PCDH7: variants seen among roughly 807,000 people sequenced by gnomAD.
PCDH7 encodes the protein protocadherin 7.
PCDH7 carries 17 observed loss-of-function variants against 58.9 expected under a neutral mutation model. The observed-to-expected ratio is 0.29, with a 90% CI of 0.20 to 0.43. The LOEUF (loss-of-function observed/expected upper bound fraction) is 0.43, where lower values mean the gene tolerates loss of function less well. Ranked by LOEUF, PCDH7 falls within the 20% of genes least tolerant of loss-of-function variation. PCDH7 has a pLI of 1.00. For missense variants in PCDH7, 1,274 were observed against 1,441.0 expected (o/e 0.88, Z 1.88); for synonymous variants, 664 against 616.4 (o/e 1.08, Z -1.14).
At chr4:30,790,968 A>G (rs1464826044) in intron 1 of PCDH7, among the ~76,000 whole-genome samples, 1 of 152,088 alleles carries the variant, frequency 6.6e-6, no homozygotes, top group African/African-American at 2.4e-5. Flanking sequence ...ATAAATAAAT[A>G]AATACATGCT....
chr4:30,912,280 C>T (rs573049143), intron 1 of PCDH7, among the ~76,000 whole-genome samples: 1 of 152,276 alleles, frequency 6.6e-6, no homozygotes, highest in Non-Finnish European at 1.5e-5. Context: ...CTATGGAATC[C>T]TAAATATGTT....
At chr4:30,991,759 C>T (rs920314900) in intron 3 of PCDH7, among the ~76,000 whole-genome samples, 6 of 151,956 alleles carry the variant, frequency 3.9e-5, no homozygotes, top group African/African-American at 1.5e-4. Context: ...TTAGCCTCCT[C>T]CCTCACAGAA....
chr4:30,766,150 T>A (rs1458149654), intron 1 of PCDH7, among the ~76,000 whole-genome samples: 1 of 151,006 alleles, frequency 6.6e-6, no homozygotes, highest in Non-Finnish European at 1.5e-5. Flanking sequence ...AAAAGCCCCC[T>A]CTAATTGCAA....
intron 1 of PCDH7, among the ~76,000 whole-genome samples, chr4:30,835,270 C>T (rs1374658): frequency 0.38 from 57,718 of 151,948 alleles, 13,395 homozygotes; most frequent in Middle Eastern, 0.52. Flanking sequence ...GTAACCGGGC[C>T]ACACAGCAGG....
chr4:30,942,502 A>C (rs1361981995), intron 2 of PCDH7, among the ~76,000 whole-genome samples: 1 of 151,968 alleles, frequency 6.6e-6, no homozygotes, highest in Non-Finnish European at 1.5e-5. Flanking sequence ...GTAGTTGAGA[A>C]ATTGTTTTTC....
At chr4:31,086,771 G>A (rs956310027) in intron 3 of PCDH7, among the ~76,000 whole-genome samples, 8 of 152,092 alleles carry the variant, frequency 5.3e-5, no homozygotes, top group Non-Finnish European at 8.8e-5. Context: ...GCTTATGCCA[G>A]ATAAAGATCA....
intron 3 of PCDH7, among the ~76,000 whole-genome samples, chr4:31,124,589 A>G (rs1718076261): frequency 6.6e-6 from 1 of 152,208 alleles, no homozygotes; most frequent in African/African-American, 2.4e-5. Context: ...TTTCATATAC[A>G]TAGCTTTTCC....
chr4:30,771,062 G>T (rs1721336858), intron 1 of PCDH7, among the ~76,000 whole-genome samples: 1 of 152,062 alleles, frequency 6.6e-6, no homozygotes, highest in Non-Finnish European at 1.5e-5. Flanking sequence ...TTTCTATTGG[G>T]AGCTAACATT....
chr4:31,083,726 G>A (rs966789980), intron 3 of PCDH7, among the ~76,000 whole-genome samples: 1 of 152,182 alleles, frequency 6.6e-6, no homozygotes, highest in Non-Finnish European at 1.5e-5. Context: ...AAAATGATGG[G>A]GTGGAGTGGG....
At chr4:30,896,889 C>CTTTTATTT (rs1739469341) in intron 1 of PCDH7, among the ~76,000 whole-genome samples, 1 of 27,338 alleles carries the variant, frequency 3.7e-5, no homozygotes, top group Non-Finnish European at 6.2e-5. Flanking sequence ...TAGTTCTTTG[C>CTTTTATTT]TTTTTTTTTT....
At chr4:30,904,832 C>A (rs1229253786) in intron 1 of PCDH7, among the ~76,000 whole-genome samples, 1 of 152,136 alleles carries the variant, frequency 6.6e-6, no homozygotes, top group Non-Finnish European at 1.5e-5. Context: ...GTGCCAAAGT[C>A]AGGTTTCAGT....
chr4:30,922,465 T>C (rs1578298717), intron 2 of PCDH7, among the ~76,000 whole-genome samples: 1 of 152,144 alleles, frequency 6.6e-6, no homozygotes, highest in East Asian at 1.9e-4. Context: ...TATGAGTTTA[T>C]GGGGATTCAT....
At chr4:31,144,275 G>C (rs1720534563), downstream of PCDH7, 1 of 152,132 alleles carries the variant, frequency 6.6e-6, no homozygotes, top group Non-Finnish European at 1.5e-5. Context: ...AATCTAGACT[G>C]AACATGAAAG....
intron 1 of PCDH7, among the ~76,000 whole-genome samples, chr4:30,743,622 T>TG (rs11417279): frequency 0.45 from 68,784 of 151,612 alleles, 16,316 homozygotes; most frequent in Middle Eastern, 0.53. Flanking sequence ...AACTTATAGT[T>TG]GAAAAAACCT....
At chr4:30,772,235 T>C (rs907445187) in intron 1 of PCDH7, among the ~76,000 whole-genome samples, 7 of 152,214 alleles carry the variant, frequency 4.6e-5, no homozygotes, top group Non-Finnish European at 7.3e-5. Context: ...GAAACATGTT[T>C]CAATGCCAAC....
At chr4:31,081,661 G>A (rs1759519331) in intron 3 of PCDH7, among the ~76,000 whole-genome samples, 1 of 152,048 alleles carries the variant, frequency 6.6e-6, no homozygotes. Flanking sequence ...AGTTACCAAG[G>A]TCCATTTTTT....
At chr4:30,924,773 G>A (rs2109419311) in intron 2 of PCDH7, among the ~76,000 whole-genome samples, 1 of 150,940 alleles carries the variant, frequency 6.6e-6, no homozygotes, top group South Asian at 2.1e-4. Flanking sequence ...ATAAGCACAT[G>A]TGTTTTCTTA....
rs1011777422 is a variant in PCDH7 at position 31,068,710 on chromosome 4, G to C, written c.*8-73763G>C. On this transcript the variant is annotated intron_variant, in intron 3 of 3. Transcript: ENST00000509759. ...AGGACGTCTCCCTAACCTGTCTGCT[G>C]GGATCCTTGAGATTGAGTTATAAGA... Among the ~76,000 whole-genome samples, 69 of 152,090 alleles carry C rather than the reference G, an allele frequency of 4.5e-4. 1 individual carries two copies. Among genetic ancestry groups the C allele is most frequent in the African/African-American group, 1.6e-3 (67 of 41,506 alleles).
intron 3 of PCDH7, among the ~76,000 whole-genome samples, chr4:30,965,836 T>A (rs971513093): frequency 1.5e-4 from 23 of 152,244 alleles, no homozygotes; most frequent in African/African-American, 5.1e-4. Context: ...AATATTATTT[T>A]TTTAAAAAAG....
Sources: allele counts gnomAD v4.1 joint callset (sites outside exome capture counted in the v4.1 genomes callset), GRCh38; gene constraint gnomAD v4.1.1; transcripts MANE v1.5; gene names NCBI Gene and HGNC (gene_info 2026-07-23, HGNC 2026-07-21).